GRID1: variants seen among roughly 807,000 people sequenced by gnomAD.
The protein encoded by GRID1 is glutamate ionotropic receptor delta type subunit 1, also known as glutamate receptor ionotropic, delta-1.
A neutral mutation model predicts 98.0 loss-of-function variants in GRID1; 28 were observed. That is an observed-to-expected ratio of 0.29 (90% CI 0.21 to 0.39). The LOEUF (loss-of-function observed/expected upper bound fraction) is 0.39. Among genes scored for constraint, GRID1 ranks in the 10% least tolerant of loss-of-function variants. GRID1 has a pLI of 1.00. For synonymous variants in GRID1, 553 were observed against 538.5 expected, an observed-to-expected ratio of 1.03 and a Z score of -0.37; for missense variants, 1,111 against 1,340.5, an observed-to-expected ratio of 0.83 and a Z score of 2.67.
chr10:86,353,663 A>T (rs1306705605), intron 2 of GRID1, among the ~76,000 whole-genome samples: 1 of 152,196 alleles, frequency 6.6e-6, no homozygotes, highest in Admixed American at 6.5e-5. Context: ...GGCCAGCTCC[A>T]GTTGGGGTTC....
intron 4 of GRID1, among the ~76,000 whole-genome samples, chr10:86,072,721 C>T (rs1019111410): frequency 6.6e-6 from 1 of 152,114 alleles, no homozygotes; most frequent in African/African-American, 2.4e-5. Context: ...CCACCTACCC[C>T]ACCCCTTTCC....
intron 3 of GRID1, among the ~76,000 whole-genome samples, chr10:86,191,027 C>CT (rs1200105609): frequency 1.3e-5 from 2 of 152,330 alleles, no homozygotes; most frequent in East Asian, 3.9e-4. Flanking sequence ...GATCTCTGGG[C>CT]TTTTTATTTC....
At chr10:85,802,583 T>G (rs1263075663) in intron 8 of GRID1, among the ~76,000 whole-genome samples, 1 of 152,026 alleles carries the variant, frequency 6.6e-6, no homozygotes, top group Middle Eastern at 3.2e-3. Flanking sequence ...TATCTCCACA[T>G]AGATTCAGAT....
chr10:85,631,670 C>T (rs1317315620), intron 13 of GRID1, among the ~76,000 whole-genome samples: 2 of 152,116 alleles, frequency 1.3e-5, no homozygotes, highest in Non-Finnish European at 2.9e-5. Context: ...GGCAAAGGGA[C>T]ACATTGATTT....
intron 13 of GRID1, among the ~76,000 whole-genome samples, chr10:85,631,981 A>C (rs1444501452): frequency 7.3e-6 from 1 of 137,166 alleles, no homozygotes; most frequent in South Asian, 2.2e-4. Flanking sequence ...ATGTAAACAC[A>C]TATGCACACA....
chr10:85,902,649 T>C (rs1397748834), intron 5 of GRID1, among the ~76,000 whole-genome samples: 1 of 152,118 alleles, frequency 6.6e-6, no homozygotes, highest in Non-Finnish European at 1.5e-5. Flanking sequence ...TGGCATCGGG[T>C]ATGGAGTTCT....
intron 12 of GRID1, among the ~76,000 whole-genome samples, chr10:85,682,142 A>C (rs1230664811): frequency 6.6e-6 from 1 of 152,234 alleles, no homozygotes. Context: ...AGATGGAAGG[A>C]AAAGGCAACA....
chr10:85,935,651 T>C (rs1841916737), intron 4 of GRID1, among the ~76,000 whole-genome samples: 1 of 152,194 alleles, frequency 6.6e-6, no homozygotes, highest in Admixed American at 6.5e-5. Flanking sequence ...CATAGCCAAT[T>C]GCATAGCAAT....
At chr10:85,897,842 C>T (rs548888141) in intron 5 of GRID1, among the ~76,000 whole-genome samples, 2 of 149,734 alleles carry the variant, frequency 1.3e-5, no homozygotes, top group African/African-American at 5.0e-5. Flanking sequence ...TTCTTTCTAA[C>T]TGAAATTTTG....
At chr10:86,099,835 TG>T (rs1218814005) in intron 4 of GRID1, among the ~76,000 whole-genome samples, 1 of 152,144 alleles carries the variant, frequency 6.6e-6, no homozygotes, top group African/African-American at 2.4e-5. Context: ...CACTGGTGGC[TG>T]GGGGTGGCAC....
At chr10:86,074,459 T>C (rs1162608455) in intron 4 of GRID1, among the ~76,000 whole-genome samples, 1 of 152,224 alleles carries the variant, frequency 6.6e-6, no homozygotes, top group Non-Finnish European at 1.5e-5. Context: ...CTTAAGATAA[T>C]GACCTAATTT....
At chr10:86,286,117 A>G (rs2132071680) in intron 2 of GRID1, among the ~76,000 whole-genome samples, 1 of 152,306 alleles carries the variant, frequency 6.6e-6, no homozygotes, top group Non-Finnish European at 1.5e-5. Context: ...TAGAGGTTAG[A>G]GGTAGCCTGT....
chr10:86,256,626 A>G (rs1275764618), intron 2 of GRID1, among the ~76,000 whole-genome samples: 1 of 152,084 alleles, frequency 6.6e-6, no homozygotes, highest in Admixed American at 6.5e-5. Flanking sequence ...TCATATATGT[A>G]TATATAATTC....
At chr10:86,235,066 C>A (rs188989824) in intron 2 of GRID1, among the ~76,000 whole-genome samples, 3 of 152,348 alleles carry the variant, frequency 2.0e-5, no homozygotes, top group Admixed American at 6.5e-5. Context: ...TCAGCCCTCT[C>A]GGCCTCCCTA....
chr10:85,660,705 C>T (rs1054738135), intron 12 of GRID1, among the ~76,000 whole-genome samples: 1 of 152,040 alleles, frequency 6.6e-6, no homozygotes, highest in Non-Finnish European at 1.5e-5. Flanking sequence ...GGAAGCAACA[C>T]AGTGCAGTTC....
chr10:86,318,697 A>G (rs568280916), intron 2 of GRID1, among the ~76,000 whole-genome samples: 96 of 152,314 alleles, frequency 6.3e-4, no homozygotes, highest in African/African-American at 2.1e-3. Context: ...AGACCCTACC[A>G]TAGGCAGGGC....
At chr10:85,880,317 C>CA (rs1564617131) in intron 5 of GRID1, among the ~76,000 whole-genome samples, 2 of 151,852 alleles carry the variant, frequency 1.3e-5, no homozygotes, top group South Asian at 4.2e-4. Flanking sequence ...GAGACACAAC[C>CA]AAAAAAGAGA....
In GRID1 at chr10:86,366,542, C is replaced by A. The variant is rs1036189607; in HGVS notation, c.-150G>T. 3.1e-6 allele frequency: 1 copy of A among 322,824 alleles called. No homozygotes were observed. The highest frequency in any genetic ancestry group is 5.3e-6 in the Non-Finnish European group (1 of 188,248). 20.0% of individuals were successfully genotyped at this position (322,824 alleles called of 1,614,324 possible). On this transcript the variant is annotated 5_prime_UTR_variant, in exon 1 of 16. Transcript: ENST00000327946. The surrounding 1 kb of genome is among the most constrained non-coding windows in gnomAD (Gnocchi z 4.1). Reference sequence around the variant, plus strand: ...GTCTTCCCCCGCGCGCCCGCCCCTGCGCCCTGCGCCCGCCCCAGCCCAGCC... The same window carrying A: ...GTCTTCCCCCGCGCGCCCGCCCCTGAGCCCTGCGCCCGCCCCAGCCCAGCC...
chr10:85,850,017 A>G (rs1954096790), intron 8 of GRID1, among the ~76,000 whole-genome samples: 1 of 152,142 alleles, frequency 6.6e-6, no homozygotes, highest in South Asian at 2.1e-4. Flanking sequence ...GCATAAAACA[A>G]AGCCACAGGC....
Sources: gnomAD v4.1 joint callset for allele counts (sites outside exome capture counted in the v4.1 genomes callset) on GRCh38, gnomAD v4.1.1 for gene constraint, Gnocchi (gnomAD v3.1) non-coding constraint, MANE v1.5 for transcripts, NCBI Gene and HGNC (gene_info 2026-07-23, HGNC 2026-07-21) for gene names.